Variants in GNAI3 observed in about 807,000 individuals in gnomAD.
GNAI3 encodes guanine nucleotide-binding protein G(i) subunit alpha-3.
A neutral mutation model predicts 41.8 loss-of-function variants in GNAI3; 12 were observed. The observed-to-expected ratio is 0.29, with a 90% CI of 0.18 to 0.47. The LOEUF (loss-of-function observed/expected upper bound fraction) is 0.47, where lower values mean the gene tolerates loss of function less well. Among genes scored for constraint, GNAI3 ranks in the 20% least tolerant of loss-of-function variants. GNAI3 has a pLI of 1.00. For missense variants in GNAI3, 360 were observed against 429.6 expected, an observed-to-expected ratio of 0.84 and a Z score of 1.43; for synonymous variants, 132 against 146.5, an observed-to-expected ratio of 0.90 and a Z score of 0.71.
At chr1:109,571,180 C>CA (rs1313116577) in intron 1 of GNAI3, among the ~76,000 whole-genome samples, 3 of 150,104 alleles carry the variant, frequency 2.0e-5, no homozygotes, top group African/African-American at 7.3e-5. Context: ...GAGGGAGGAG[C>CA]AGGGTTTGTT....
intron 1 of GNAI3, among the ~76,000 whole-genome samples, chr1:109,558,342 G>C (rs974855135): frequency 1.3e-5 from 2 of 152,162 alleles, no homozygotes; most frequent in Admixed American, 1.3e-4. Context: ...AGAATCGCTT[G>C]AACCTGGGAG....
intron 4 of GNAI3, among the ~76,000 whole-genome samples, chr1:109,579,780 G>A (rs1204135657): frequency 6.6e-6 from 1 of 152,158 alleles, no homozygotes; most frequent in Non-Finnish European, 1.5e-5. Context: ...GCCGCACTAT[G>A]GACTTCACTA....
chr1:109,570,339 T>C (rs1020367782), intron 1 of GNAI3, among the ~76,000 whole-genome samples: 2 of 152,246 alleles, frequency 1.3e-5, no homozygotes, highest in Non-Finnish European at 2.9e-5. Context: ...GAATCATGGT[T>C]ACTAAATATT....
intron 7 of GNAI3, among the ~76,000 whole-genome samples, chr1:109,589,135 T>A (rs1185628596): frequency 6.6e-6 from 1 of 151,874 alleles, no homozygotes; most frequent in East Asian, 1.9e-4. Flanking sequence ...TGGAAATGGG[T>A]GAAATGACCT....
intron 3 of GNAI3, 26 bp from the exon 4 acceptor site, chr1:109,579,178 G>C (rs368076592): frequency 1.8e-5 from 29 of 1,585,680 alleles, no homozygotes; most frequent in African/African-American, 4.0e-5. Flanking sequence ...AGAGTCATCT[G>C]TCTCTTTCTT....
intron 1 of GNAI3, among the ~76,000 whole-genome samples, chr1:109,560,502 ATCCCAGGACTTTGGGAAGTTGAG>A (rs893920859): frequency 1.3e-5 from 2 of 152,132 alleles, no homozygotes; most frequent in African/African-American, 4.8e-5. Flanking sequence ...AAGTCCTGTA[ATCCCAGGACTTTGGGAAGTTGAG>A]GCCGGAGGAC....
intron 1 of GNAI3, among the ~76,000 whole-genome samples, chr1:109,555,965 T>TGCATGCGTGCGTGC (rs759790449): frequency 1.0e-5 from 1 of 99,376 alleles, no homozygotes. Context: ...CGTGCGTGCG[T>TGCATGCGTGCGTGC]GTGTGTGTGT....
chr1:109,567,558 T>C (rs938884851), intron 1 of GNAI3, among the ~76,000 whole-genome samples: 1 of 152,252 alleles, frequency 6.6e-6, no homozygotes, highest in African/African-American at 2.4e-5. Flanking sequence ...TATAGTTTGC[T>C]GTAACTTTTA....
At chr1:109,571,654 A>C (rs1018349334) in intron 1 of GNAI3, among the ~76,000 whole-genome samples, 22 of 152,310 alleles carry the variant, frequency 1.4e-4, no homozygotes, top group African/African-American at 5.3e-4. Flanking sequence ...GCGATTGCTC[A>C]CTTCTGTAAT....
intron 3 of GNAI3, among the ~76,000 whole-genome samples, chr1:109,578,174 G>C (rs1648797783): frequency 6.6e-6 from 1 of 151,986 alleles, no homozygotes; most frequent in Non-Finnish European, 1.5e-5. Context: ...TAACCACCTA[G>C]AAAACTATGG....
At chr1:109,550,691 G>A (rs1026719451) in intron 1 of GNAI3, among the ~76,000 whole-genome samples, 11 of 152,028 alleles carry the variant, frequency 7.2e-5, no homozygotes, top group African/African-American at 2.4e-4. Flanking sequence ...CCGCCACCAC[G>A]CCTGGCTAAT....
chr1:109,554,153 C>A (rs537247152), intron 1 of GNAI3, among the ~76,000 whole-genome samples: 3 of 152,028 alleles, frequency 2.0e-5, no homozygotes, highest in Admixed American at 1.3e-4. Context: ...TGGGCTGGTT[C>A]CATATTTTTG....
chr1:109,566,848 C>T (rs1456090678), intron 1 of GNAI3, among the ~76,000 whole-genome samples: 1 of 152,176 alleles, frequency 6.6e-6, no homozygotes, highest in African/African-American at 2.4e-5. Context: ...CAGGCATGAG[C>T]CACCGCACCT....
At chr1:109,553,679 C>T (rs1475210335) in intron 1 of GNAI3, among the ~76,000 whole-genome samples, 1 of 152,086 alleles carries the variant, frequency 6.6e-6, no homozygotes, top group Non-Finnish European at 1.5e-5. Context: ...ATGTATCATT[C>T]TTTGTGTCTT....
At chr1:109,564,651 A>G (rs1648404123) in intron 1 of GNAI3, among the ~76,000 whole-genome samples, 1 of 152,156 alleles carries the variant, frequency 6.6e-6, no homozygotes, top group Non-Finnish European at 1.5e-5. Context: ...TAGGTCACAT[A>G]GGCCACCAAC....
chr1:109,567,056 A>C (rs1571152316), intron 1 of GNAI3, among the ~76,000 whole-genome samples: 1 of 152,324 alleles, frequency 6.6e-6, no homozygotes, highest in East Asian at 1.9e-4. Flanking sequence ...TAAGTTAGCA[A>C]AAAAATCAAT....
intron 4 of GNAI3, 23 bp downstream of exon 4, chr1:109,579,384 A>G: frequency 6.3e-7 from 1 of 1,577,400 alleles, no homozygotes; most frequent in African/African-American, 1.4e-5. Flanking sequence ...TCTCTGTGAA[A>G]CTATAACAGA....
Position 109,575,782 on chromosome 1 carries a change from G to A in GNAI3, c.303+1745G>A, listed in dbSNP as rs185301903. Reference sequence around the variant, plus strand: ...CCTGACCTTGTGATCCGCCCGCCTCGGCCTCCCAAAGTGCTGGGATTATAG... The same window carrying A: ...CCTGACCTTGTGATCCGCCCGCCTCAGCCTCCCAAAGTGCTGGGATTATAG... On this transcript the variant is annotated intron_variant, in intron 3 of 8. Coordinates refer to ENST00000369851, the MANE Select transcript of GNAI3 (RefSeq NM_006496.4). Among the ~76,000 whole-genome samples, 1,384 of 151,848 alleles carry A rather than the reference G, an allele frequency of 9.1e-3. 9 individuals are homozygous for A. The highest frequency in any genetic ancestry group is 0.016 in the Non-Finnish European group (1,078 of 67,914).
At position 109,599,730 on chromosome 1, in the gene GNAI3, A is replaced by G. The variant is rs1057117763; in HGVS notation, c.*7408A>G. The G allele has an allele frequency of 2.0e-5, 3 of 152,190 alleles. No homozygotes were observed. The highest frequency in any genetic ancestry group is 2.9e-5 in the Non-Finnish European group (2 of 68,036). 9.4% of individuals were successfully genotyped at this position (152,190 alleles called of 1,614,324 possible). A position where few individuals can be genotyped will look rare whatever the true frequency, so the allele number is the denominator to read the frequency against. On this transcript the variant is annotated 3_prime_UTR_variant, in exon 9 of 9. Transcript: ENST00000369851. ...TGATTTTATGCTGTTTTCATATTCT[A>G]TTTTGAGATCTATTTGTCTTAGCTT...
Sources: gnomAD v4.1 joint callset for allele counts (sites outside exome capture counted in the v4.1 genomes callset) on GRCh38, gnomAD v4.1.1 for gene constraint, MANE v1.5 for transcripts, NCBI Gene and HGNC (gene_info 2026-07-23, HGNC 2026-07-21) for gene names.